SLC13A3: variants seen among roughly 807,000 people sequenced by gnomAD.
SLC13A3 encodes solute carrier family 13 member 3.
A neutral mutation model predicts 59.0 loss-of-function variants in SLC13A3; 40 were observed. The ratio of observed to expected loss-of-function variants is 0.68; its 90% confidence interval spans 0.53 to 0.88. The LOEUF is 0.88. SLC13A3 is among the 40% of genes least tolerant of loss of function. The pLI, the probability that SLC13A3 is intolerant of heterozygous loss-of-function variation, is 0.00. For missense variants in SLC13A3, 699 were observed against 783.2 expected, an observed-to-expected ratio of 0.89 and a Z score of 1.28; for synonymous variants, 317 against 330.3, an observed-to-expected ratio of 0.96 and a Z score of 0.44.
At chr20:46,675,141 T>G in intron 1 of SLC13A3, among the ~76,000 whole-genome samples, 1 of 151,142 alleles carries the variant, frequency 6.6e-6, no homozygotes. Flanking sequence ...CCCAGGGGAA[T>G]AGTGGGGAGA....
chr20:46,631,635 C>T (rs1182160790), intron 1 of SLC13A3, among the ~76,000 whole-genome samples: 1 of 152,164 alleles, frequency 6.6e-6, no homozygotes, highest in African/African-American at 2.4e-5. Context: ...CGCTCACACC[C>T]ACCCAACCCA....
chr20:46,612,349 G>C (rs979517374), intron 2 of SLC13A3, among the ~76,000 whole-genome samples: 1 of 151,920 alleles, frequency 6.6e-6, no homozygotes, highest in African/African-American at 2.4e-5. Flanking sequence ...AGCCAGGCTG[G>C]TCTTGAACTC....
chr20:46,628,822 T>C (rs2122802800), intron 1 of SLC13A3, among the ~76,000 whole-genome samples: 1 of 152,366 alleles, frequency 6.6e-6, no homozygotes, highest in South Asian at 2.1e-4. Context: ...AGAGCAGATA[T>C]GGAACATCTC....
At chr20:46,608,770 C>A in intron 3 of SLC13A3, 2 of 1,303,848 alleles carry the variant, frequency 1.5e-6, no homozygotes, top group Non-Finnish European at 2.0e-6. Flanking sequence ...AACTAGCACA[C>A]AAAACCTATG....
chr20:46,586,669 C>T (rs992008817), intron 8 of SLC13A3, among the ~76,000 whole-genome samples: 1 of 152,202 alleles, frequency 6.6e-6, no homozygotes, highest in Non-Finnish European at 1.5e-5. Flanking sequence ...TAACCACCAT[C>T]CATGCAGGTA....
intron 1 of SLC13A3, among the ~76,000 whole-genome samples, chr20:46,630,713 C>T (rs1169506413): frequency 6.6e-6 from 1 of 152,232 alleles, no homozygotes; most frequent in East Asian, 1.9e-4. Context: ...ATTCTGTGAT[C>T]AGAAAGTGCT....
At chr20:46,644,826 G>A (rs2062878236) in intron 1 of SLC13A3, among the ~76,000 whole-genome samples, 1 of 152,330 alleles carries the variant, frequency 6.6e-6, no homozygotes, top group South Asian at 2.1e-4. Context: ...GACAATTGAT[G>A]CATCAAAATT....
At chr20:46,625,267 T>G (rs1211991487) in intron 1 of SLC13A3, among the ~76,000 whole-genome samples, 1 of 152,220 alleles carries the variant, frequency 6.6e-6, no homozygotes, top group Non-Finnish European at 1.5e-5. Flanking sequence ...TCAAATCAAG[T>G]TCCACATTCT....
intron 1 of SLC13A3, among the ~76,000 whole-genome samples, chr20:46,642,405 T>A (rs1355114619): frequency 6.6e-6 from 1 of 152,166 alleles, no homozygotes; most frequent in African/African-American, 2.4e-5. Context: ...CTCCCTTGTC[T>A]GGATGTTCTA....
At chr20:46,583,989 C>T in intron 8 of SLC13A3, 1 of 985,342 alleles carries the variant, frequency 1.0e-6, no homozygotes, top group Non-Finnish European at 1.2e-6. Context: ...CTTGGAACCC[C>T]TATAAATCAC....
intron 1 of SLC13A3, among the ~76,000 whole-genome samples, chr20:46,667,040 C>A (rs1326164449): frequency 6.6e-6 from 1 of 151,986 alleles, no homozygotes; most frequent in Non-Finnish European, 1.5e-5. Flanking sequence ...CACTTCCTAT[C>A]CAGATCATGC....
At chr20:46,601,134 C>A (rs994703849) in intron 3 of SLC13A3, among the ~76,000 whole-genome samples, 1 of 151,846 alleles carries the variant, frequency 6.6e-6, no homozygotes, top group Non-Finnish European at 1.5e-5. Context: ...GGGGTGGGGA[C>A]GGAGTGGGCA....
At position 46,559,906 on chromosome 20, in the gene SLC13A3, T is replaced by C; in HGVS notation, c.*116A>G. ...TGGGCCACTGGAGGTCACCCTTGCTTGCTGCATATTGGATTACAGAAAAGA... is the reference window on the plus strand; with the variant it reads ...TGGGCCACTGGAGGTCACCCTTGCTCGCTGCATATTGGATTACAGAAAAGA... On this transcript the variant is annotated 3_prime_UTR_variant, in exon 13 of 13. Coordinates refer to ENST00000279027, the MANE Select transcript of SLC13A3 (RefSeq NM_022829.6). 9.4e-7 allele frequency: 1 copy of C among 1,058,596 alleles called. No individual in the cohort carries two copies. The highest frequency in any genetic ancestry group is 1.4e-6 in the Non-Finnish European group (1 of 724,658). The allele number at this position is 1,058,596 out of a possible 1,614,324, so 65.6% of individuals were successfully genotyped here.
At chr20:46,592,653 T>C in intron 5 of SLC13A3, 124 bp from the exon 6 acceptor site, 1 of 960,184 alleles carries the variant, frequency 1.0e-6, no homozygotes, top group Non-Finnish European at 1.6e-6. Context: ...ATGGAAGTCT[T>C]GGGAACAGTG....
chr20:46,674,631 GTGTGTT>G (rs2063113602), upstream of SLC13A3, among the ~76,000 whole-genome samples: 1 of 151,468 alleles, frequency 6.6e-6, no homozygotes, highest in South Asian at 2.1e-4. Flanking sequence ...GTGTGTGTGT[GTGTGTT>G]TGTTTGGAGG....
At chr20:46,647,022 A>G (rs1019347658) in intron 1 of SLC13A3, among the ~76,000 whole-genome samples, 1 of 152,138 alleles carries the variant, frequency 6.6e-6, no homozygotes, top group Non-Finnish European at 1.5e-5. Flanking sequence ...ATCCCCCCCA[A>G]ATATCTCTAT....
intron 3 of SLC13A3, among the ~76,000 whole-genome samples, chr20:46,609,374 T>C (rs1349910382): frequency 2.0e-5 from 3 of 152,222 alleles, no homozygotes; most frequent in Admixed American, 2.0e-4. Flanking sequence ...ATGTTTTGTT[T>C]TATTAAGAAC....
At chr20:46,577,818 C>G (rs1482046761) in intron 9 of SLC13A3, among the ~76,000 whole-genome samples, 1 of 152,182 alleles carries the variant, frequency 6.6e-6, no homozygotes, top group South Asian at 2.1e-4. Context: ...TGCTGTGCCC[C>G]AACTGTGTGA....
intron 1 of SLC13A3, among the ~76,000 whole-genome samples, chr20:46,675,578 T>TA (rs576736653): frequency 9.0e-4 from 135 of 150,592 alleles, no homozygotes; most frequent in African/African-American, 3.2e-3. Flanking sequence ...TTTTTTTTTT[T>TA]AGTTTGTTTA....
Sources: allele counts gnomAD v4.1 joint callset (sites outside exome capture counted in the v4.1 genomes callset), GRCh38; gene constraint gnomAD v4.1.1; transcripts MANE v1.5; gene names NCBI Gene and HGNC (gene_info 2026-07-23, HGNC 2026-07-21).